Variants in TENM4 observed in about 807,000 individuals in gnomAD.
TENM4 encodes teneurin transmembrane protein 4, also known as teneurin-4.
In TENM4, 82 loss-of-function variants were observed where a neutral mutation model predicts 243.3. The observed-to-expected ratio is 0.34, with a 90% CI of 0.28 to 0.40. The LOEUF (loss-of-function observed/expected upper bound fraction) is 0.40, where lower values mean the gene tolerates loss of function less well. Among genes scored for constraint, TENM4 ranks in the 10% least tolerant of loss-of-function variants. TENM4 has a pLI of 1.00. For synonymous variants in TENM4, 1,412 were observed against 1,456.3 expected (o/e 0.97, Z 0.69); for missense variants, 3,138 against 3,673.3 (o/e 0.85, Z 3.77).
rs1276876167 is a variant in TENM4 at position 78,997,382 on chromosome 11, A to G, written c.493+67356T>C. On this transcript the variant is annotated intron_variant, in intron 6 of 33. Transcript: ENST00000278550. ...TAATACTCTGATTTGAGGGTTTATG[A>G]CTCTGAATCTTAAAGCAAATGTTAC... Among the ~76,000 whole-genome samples, 6 of 152,318 alleles carry G rather than the reference A, an allele frequency of 3.9e-5. No homozygotes were observed. In the East Asian group the frequency reaches 9.6e-4, roughly 24 times the overall value.
At chr11:78,817,680 G>A (rs1426317300) in intron 12 of TENM4, among the ~76,000 whole-genome samples, 1 of 152,174 alleles carries the variant, frequency 6.6e-6, no homozygotes, top group Non-Finnish European at 1.5e-5. Flanking sequence ...TCCACTTTAA[G>A]CTACTGGGCT....
intron 1 of TENM4, among the ~76,000 whole-genome samples, chr11:79,430,188 G>GAAAAAAAAAA (rs796697145): frequency 1.2e-5 from 1 of 86,570 alleles, no homozygotes. Flanking sequence ...TTCAACCTGC[G>GAAAAAAAAAA]AAAAAAAAAA....
At position 79,271,508 on chromosome 11, in the gene TENM4, G is replaced by C. The variant is rs145961797; in HGVS notation, c.-265+25980C>G. The stretch of plus-strand genomic sequence containing the variant: ...TCGTATTTGCATTTGTGTCCCCAGG[G>C]CCACAGTGGGTAAACAGTCTGTGTT... On this transcript the variant is annotated intron_variant, in intron 2 of 33. Coordinates refer to ENST00000278550, the MANE Select transcript of TENM4 (RefSeq NM_001098816.3). 5.4e-3 allele frequency among the ~76,000 whole-genome samples: 815 copies of C among 152,324 alleles called. 5 individuals are homozygous for C. The highest frequency in any genetic ancestry group is 0.027 in the Middle Eastern group (8 of 294).
At chr11:78,812,651 T>C (rs1857523821) in intron 13 of TENM4, among the ~76,000 whole-genome samples, 1 of 152,138 alleles carries the variant, frequency 6.6e-6, no homozygotes, top group Non-Finnish European at 1.5e-5. Context: ...GAAAAGCCAG[T>C]GGCTGAGCCT....
At chr11:79,355,074 T>C (rs1857474479) in intron 1 of TENM4, among the ~76,000 whole-genome samples, 2 of 152,194 alleles carry the variant, frequency 1.3e-5, no homozygotes, top group South Asian at 4.1e-4. Context: ...AAGCCAAACC[T>C]TTTTAACTTT....
chr11:78,777,257 A>T (rs985112591), intron 17 of TENM4, among the ~76,000 whole-genome samples: 1 of 152,182 alleles, frequency 6.6e-6, no homozygotes, highest in Non-Finnish European at 1.5e-5. Flanking sequence ...TTGTCAGTTG[A>T]GGACCAGCAC....
At chr11:78,695,582 C>G (rs527900217) in intron 28 of TENM4, among the ~76,000 whole-genome samples, 4 of 152,006 alleles carry the variant, frequency 2.6e-5, no homozygotes, top group African/African-American at 9.7e-5. Context: ...AGGCTGGTCT[C>G]GAACTCCTGA....
chr11:78,791,474 C>T (rs1447985205), intron 15 of TENM4, among the ~76,000 whole-genome samples: 1 of 152,188 alleles, frequency 6.6e-6, no homozygotes, highest in African/African-American at 2.4e-5. Context: ...TTATGTAAAA[C>T]AGGGATGACG....
At chr11:78,851,664 C>T (rs73498591) in intron 12 of TENM4, among the ~76,000 whole-genome samples, 2,371 of 152,248 alleles carry the variant, frequency 0.016, 48 homozygotes, top group African/African-American at 0.047. Flanking sequence ...AGCACCACCA[C>T]GACTTGATGA....
At chr11:78,930,632 T>G (rs1052755501) in intron 6 of TENM4, among the ~76,000 whole-genome samples, 28 of 152,218 alleles carry the variant, frequency 1.8e-4, no homozygotes, top group African/African-American at 6.5e-4. Flanking sequence ...CCCACCCATG[T>G]GAACTGGCCC....
chr11:79,137,541 T>A (rs1044989457), intron 4 of TENM4, among the ~76,000 whole-genome samples: 4 of 152,146 alleles, frequency 2.6e-5, no homozygotes, highest in Admixed American at 2.6e-4. Flanking sequence ...ATACAGAATG[T>A]GTAGTAGAAG....
intron 4 of TENM4, among the ~76,000 whole-genome samples, chr11:79,107,996 C>A (rs1187457518): frequency 6.6e-6 from 1 of 152,176 alleles, no homozygotes; most frequent in Non-Finnish European, 1.5e-5. Flanking sequence ...TTGATCCTGG[C>A]AAGAACTAGC....
At chr11:79,014,306 A>T (rs554015847) in intron 6 of TENM4, among the ~76,000 whole-genome samples, 1 of 151,842 alleles carries the variant, frequency 6.6e-6, no homozygotes, top group Non-Finnish European at 1.5e-5. Context: ...TCCTCCCCAC[A>T]CCTCCCTGGT....
chr11:79,418,717 A>G (rs932594869), intron 1 of TENM4, among the ~76,000 whole-genome samples: 1 of 152,202 alleles, frequency 6.6e-6, no homozygotes, highest in African/African-American at 2.4e-5. Context: ...ACCCTGCCTG[A>G]CTGCCCCCAT....
chr11:78,969,675 G>A lies in TENM4; in HGVS notation c.494-66152C>T, dbSNP rs138933245. On this transcript the variant is annotated intron_variant, in intron 6 of 33. Coordinates refer to ENST00000278550, the MANE Select transcript of TENM4 (RefSeq NM_001098816.3). Reference sequence around the variant, plus strand: ...GTCTATGGTAGGAAAATTCATGTGAGCTTACACAATGGAAAAGTGTGAGTC... The same window carrying A: ...GTCTATGGTAGGAAAATTCATGTGAACTTACACAATGGAAAAGTGTGAGTC... Among the ~76,000 whole-genome samples, 12 of 152,312 alleles carry A rather than the reference G, an allele frequency of 7.9e-5. No individual in the cohort carries two copies. In the East Asian group the frequency reaches 1.2e-3, roughly 15 times the overall value.
intron 3 of TENM4, among the ~76,000 whole-genome samples, chr11:79,208,347 G>C (rs1863890374): frequency 6.6e-6 from 1 of 152,232 alleles, no homozygotes; most frequent in South Asian, 2.1e-4. Context: ...GCCTTCTGAA[G>C]ACCCAATTTT....
In TENM4 at chr11:78,772,994, G is replaced by A. The variant is rs183145477; in HGVS notation, c.2393-1856C>T. 2.9e-3 allele frequency among the ~76,000 whole-genome samples: 440 copies of A among 152,324 alleles called. 6 individuals carry two copies. Among genetic ancestry groups the A allele is most frequent in the Non-Finnish European group, 3.4e-4 (23 of 68,036 alleles). ...AGGAGCAGAGCTGTGACACACAGGC[G>A]GCTATCCAGGCAATCTGACTTGGTT... On this transcript the variant is annotated intron_variant, in intron 17 of 33. Coordinates refer to ENST00000278550, the MANE Select transcript of TENM4 (RefSeq NM_001098816.3).
intron 6 of TENM4, among the ~76,000 whole-genome samples, chr11:78,914,436 T>C (rs1856268447): frequency 6.6e-6 from 1 of 152,124 alleles, no homozygotes; most frequent in South Asian, 2.1e-4. Flanking sequence ...CAGACAGCAG[T>C]TAAGCTTAAG....
rs888451339 is a variant in TENM4, at chr11:78,845,539, C to T, written c.1681+8565G>A. ...TCCTGCCTCCAACAACCTCAACTAT[C>T]GACCACCAGTGCCAATTCCAGCAGA... On this transcript the variant is annotated intron_variant, in intron 12 of 33. Transcript: ENST00000278550. Among the ~76,000 whole-genome samples, 9 of 152,198 alleles carry T rather than the reference C, an allele frequency of 5.9e-5. No individual in the cohort carries two copies. The South Asian group carries it at 1.9e-3, about 32-fold the overall frequency.
Sources: gnomAD v4.1 joint callset for allele counts (sites outside exome capture counted in the v4.1 genomes callset) on GRCh38, gnomAD v4.1.1 for gene constraint, MANE v1.5 for transcripts, NCBI Gene and HGNC (gene_info 2026-07-23, HGNC 2026-07-21) for gene names.